GPC6: variants seen among roughly 807,000 people sequenced by gnomAD.
The protein encoded by GPC6 is glypican 6.
Under a neutral mutation model 55.2 loss-of-function variants are expected in GPC6, and 14 were observed. The observed-to-expected ratio is 0.25, with a 90% CI of 0.17 to 0.40. The LOEUF (loss-of-function observed/expected upper bound fraction) is 0.40. Among genes scored for constraint, GPC6 ranks in the 10% least tolerant of loss-of-function variants. The pLI, the probability that GPC6 is intolerant of heterozygous loss-of-function variation, is 1.00. For synonymous variants in GPC6, 278 were observed against 259.6 expected, an observed-to-expected ratio of 1.07 and a Z score of -0.68; for missense variants, 641 against 708.5, an observed-to-expected ratio of 0.90 and a Z score of 1.08.
At chr13:93,660,359 T>A (rs1005392466) in intron 2 of GPC6, among the ~76,000 whole-genome samples, 1 of 152,192 alleles carries the variant, frequency 6.6e-6, no homozygotes, top group Non-Finnish European at 1.5e-5. Context: ...AATTTTAGCT[T>A]CTCGCAGAAG....
At chr13:93,231,313 TC>T (rs1875995044) in intron 1 of GPC6, among the ~76,000 whole-genome samples, 1 of 118,190 alleles carries the variant, frequency 8.5e-6, no homozygotes, top group South Asian at 2.9e-4. Flanking sequence ...TTTCCTCATT[TC>T]ATATATATAT....
At chr13:93,690,481 C>T (rs1260679252) in intron 2 of GPC6, among the ~76,000 whole-genome samples, 2 of 151,602 alleles carry the variant, frequency 1.3e-5, no homozygotes, top group Non-Finnish European at 2.9e-5. Context: ...TTTTTATGGC[C>T]TCTCACTAGA....
chr13:94,052,535 G>A (rs1274310393), intron 4 of GPC6, among the ~76,000 whole-genome samples: 1 of 152,104 alleles, frequency 6.6e-6, no homozygotes, highest in East Asian at 1.9e-4. Context: ...ACCATTTATT[G>A]TATTTCAAAC....
At chr13:93,628,381 G>A (rs377419517) in intron 2 of GPC6, among the ~76,000 whole-genome samples, 28 of 152,288 alleles carry the variant, frequency 1.8e-4, no homozygotes, top group African/African-American at 6.7e-4. Context: ...ATTACAGCTG[G>A]CCCATATGTG....
chr13:93,893,951 G>A (rs376217017), intron 3 of GPC6, among the ~76,000 whole-genome samples: 19 of 152,152 alleles, frequency 1.2e-4, no homozygotes, highest in East Asian at 3.9e-4. Flanking sequence ...TAAGAACACC[G>A]GTCCACATGC....
At chr13:93,408,522 G>T (rs1033874306) in intron 1 of GPC6, among the ~76,000 whole-genome samples, 2 of 152,186 alleles carry the variant, frequency 1.3e-5, no homozygotes, top group Non-Finnish European at 1.5e-5. Context: ...TAGGTGCAAT[G>T]AAAGCAGTGC....
intron 1 of GPC6, among the ~76,000 whole-genome samples, chr13:93,447,930 G>A (rs1356774565): frequency 6.6e-6 from 1 of 152,182 alleles, no homozygotes; most frequent in Non-Finnish European, 1.5e-5. Flanking sequence ...GCATGTGCAT[G>A]CCGCTGTTCA....
chr13:93,349,141 C>G lies in GPC6; in HGVS notation c.160+121525C>G, dbSNP rs114416549. 7.2e-3 allele frequency among the ~76,000 whole-genome samples: 1,097 copies of G among 152,278 alleles called. 13 individuals are homozygous for G. The highest frequency in any genetic ancestry group is 0.025 in the African/African-American group (1,044 of 41,562). On this transcript the variant is annotated intron_variant, in intron 1 of 8. Coordinates refer to ENST00000377047, the MANE Select transcript of GPC6 (RefSeq NM_005708.5). ...AGTTCAGAAGAGAAATGAATTCGGT[C>G]ATATCTAATGTGCACTGATAACTGC...
chr13:93,592,393 T>TAATATA (rs1429291942), intron 2 of GPC6, among the ~76,000 whole-genome samples: 4 of 141,180 alleles, frequency 2.8e-5, no homozygotes, highest in African/African-American at 5.6e-5. Flanking sequence ...CAATATATAT[T>TAATATA]AATATATAAA....
At chr13:93,863,473 G>C (rs1385519457) in intron 3 of GPC6, among the ~76,000 whole-genome samples, 1 of 151,636 alleles carries the variant, frequency 6.6e-6, no homozygotes, top group Non-Finnish European at 1.5e-5. Context: ...ATGTTTTTAT[G>C]TTACAGTTAG....
intron 2 of GPC6, among the ~76,000 whole-genome samples, chr13:93,751,158 AAAACAAACAAACAAAC>A (rs75613000): frequency 2.7e-5 from 4 of 150,462 alleles, no homozygotes; most frequent in Non-Finnish European, 4.4e-5. Context: ...CAAAAAAAGA[AAAACAAACAAACAAAC>A]AAACAAACAA....
intron 1 of GPC6, among the ~76,000 whole-genome samples, chr13:93,319,011 G>A (rs923112535): frequency 6.6e-6 from 1 of 152,084 alleles, no homozygotes; most frequent in African/African-American, 2.4e-5. Flanking sequence ...ACAGCTGGGG[G>A]TGGAGTCAGT....
At chr13:94,372,958 A>G (rs1879647481) in intron 6 of GPC6, among the ~76,000 whole-genome samples, 1 of 152,168 alleles carries the variant, frequency 6.6e-6, no homozygotes, top group Non-Finnish European at 1.5e-5. Flanking sequence ...GAGCACACTG[A>G]CACCTCACAC....
At chr13:93,821,011 C>T (rs533181984) in intron 2 of GPC6, among the ~76,000 whole-genome samples, 2 of 152,232 alleles carry the variant, frequency 1.3e-5, no homozygotes, top group South Asian at 4.1e-4. Context: ...AACTGTCTTC[C>T]TGACTACAAG....
At chr13:94,190,673 A>C (rs527256813) in intron 4 of GPC6, among the ~76,000 whole-genome samples, 1 of 152,308 alleles carries the variant, frequency 6.6e-6, no homozygotes, top group Admixed American at 6.5e-5. Context: ...CAATTTACTA[A>C]AGTTAATAAC....
intron 2 of GPC6, among the ~76,000 whole-genome samples, chr13:93,754,426 G>A (rs1257327674): frequency 6.6e-6 from 1 of 152,014 alleles, no homozygotes; most frequent in African/African-American, 2.4e-5. Flanking sequence ...CCCTTCCTCT[G>A]TGTTGCCTTT....
chr13:93,235,863 G>A (rs1233035734), intron 1 of GPC6, among the ~76,000 whole-genome samples: 1 of 152,140 alleles, frequency 6.6e-6, no homozygotes, highest in Non-Finnish European at 1.5e-5. Flanking sequence ...GCAGGAGTGA[G>A]AAAGCTGTAA....
chr13:93,907,853 A>G (rs1424315897), intron 3 of GPC6, among the ~76,000 whole-genome samples: 4 of 152,114 alleles, frequency 2.6e-5, no homozygotes, highest in Admixed American at 2.0e-4. Flanking sequence ...CCTATATTGT[A>G]TATGTATTTA....
chr13:94,393,360 G>A (rs1449450877), intron 7 of GPC6, among the ~76,000 whole-genome samples: 1 of 152,130 alleles, frequency 6.6e-6, no homozygotes, highest in South Asian at 2.1e-4. Flanking sequence ...TGTTTCAGAC[G>A]AGATGAAGTT....
Sources: allele counts gnomAD v4.1 joint callset (sites outside exome capture counted in the v4.1 genomes callset), GRCh38; gene constraint gnomAD v4.1.1; transcripts MANE v1.5; gene names NCBI Gene and HGNC (gene_info 2026-07-23, HGNC 2026-07-21).